Variants in KCNG2 observed in about 807,000 individuals in gnomAD.
KCNG2 encodes voltage-gated potassium channel regulatory subunit KCNG2.
In KCNG2, 7 loss-of-function variants were observed where a neutral mutation model predicts 12.3. The ratio of observed to expected loss-of-function variants is 0.57; its 90% confidence interval spans 0.32 to 1.07. The LOEUF is 1.07. Ranked by LOEUF, KCNG2 falls within the 50% of genes least tolerant of loss-of-function variation. The pLI is 0.04. For missense variants in KCNG2, 703 were observed against 726.0 expected (o/e 0.97, Z 0.36); for synonymous variants, 414 against 351.4 (o/e 1.18, Z -1.99).
intron 1 of KCNG2, among the ~76,000 whole-genome samples, chr18:79,823,008 C>A (rs1236266902): frequency 6.6e-6 from 1 of 152,172 alleles, no homozygotes; most frequent in Non-Finnish European, 1.5e-5. Flanking sequence ...CCCTTCCCAC[C>A]TCCCTCCATG....
At chr18:79,894,142 G>C (rs955628899) in intron 3 of KCNG2, among the ~76,000 whole-genome samples, 1 of 151,550 alleles carries the variant, frequency 6.6e-6, no homozygotes, top group Non-Finnish European at 1.5e-5. Context: ...CTTTTGATTG[G>C]GTTGTTCACA....
At chr18:79,848,309 C>T (rs1374629259) in intron 1 of KCNG2, among the ~76,000 whole-genome samples, 1 of 152,218 alleles carries the variant, frequency 6.6e-6, no homozygotes, top group Non-Finnish European at 1.5e-5. Flanking sequence ...GCCTAAAACA[C>T]CAGAAATGTA....
intron 1 of KCNG2, among the ~76,000 whole-genome samples, chr18:79,854,288 T>TGCCGTGTCCTGCCTGGGC (rs1978929749): frequency 1.3e-5 from 2 of 152,196 alleles, no homozygotes; most frequent in South Asian, 4.1e-4. Flanking sequence ...TGTGCCTGGG[T>TGCCGTGTCCTGCCTGGGC]GCCGTGTCCT....
intron 3 of KCNG2, among the ~76,000 whole-genome samples, chr18:79,883,059 C>G (rs1044174529): frequency 2.6e-5 from 4 of 152,264 alleles, no homozygotes; most frequent in African/African-American, 9.6e-5. Context: ...CGACACGGAC[C>G]GCGACGGCCG....
At position 79,897,853 on chromosome 18, in the gene KCNG2, G is replaced by A. The variant is rs181858558; in HGVS notation, c.625-1187G>A. Among the ~76,000 whole-genome samples the A allele has an allele frequency of 2.5e-3, 374 of 152,052 alleles. 2 individuals carry two copies. Among genetic ancestry groups the A allele is most frequent in the Admixed American group, 3.5e-3 (53 of 15,286 alleles). On this transcript the variant is annotated intron_variant, in intron 3 of 3. Transcript: ENST00000316249. ...TGCCACCGTCACCCTGGGATGACAG[G>A]GCTTGGGGAGCAACCTCTTCTCTGT...
chr18:79,877,324 G>C (rs1222512331), intron 3 of KCNG2, among the ~76,000 whole-genome samples: 7 of 151,898 alleles, frequency 4.6e-5, no homozygotes, highest in Non-Finnish European at 1.0e-4. Context: ...TCCCTCCAGC[G>C]GCTGGCTCCC....
Position 79,834,844 on chromosome 18 carries a change from C to T in KCNG2, c.-114-21535C>T, listed in dbSNP as rs574478642. 6.6e-4 allele frequency among the ~76,000 whole-genome samples: 101 copies of T among 152,332 alleles called. 1 individual carries two copies. The highest frequency in any genetic ancestry group is 2.2e-3 in the African/African-American group (92 of 41,576). On this transcript the variant is annotated intron_variant, in intron 1 of 3. Transcript: ENST00000316249. ...GGAGCTGGTTCCTGATGGCTGAGTG[C>T]ACCTTCAGTGGAGAAGGCACATCAC...
chr18:79,869,215 C>T (rs1450760699), intron 3 of KCNG2, among the ~76,000 whole-genome samples: 1 of 152,182 alleles, frequency 6.6e-6, no homozygotes, highest in African/African-American at 2.4e-5. Context: ...GTGCCCGCCC[C>T]GCGCTGAGTC....
intron 1 of KCNG2, among the ~76,000 whole-genome samples, chr18:79,814,233 G>A (rs576180536): frequency 1.3e-5 from 2 of 152,294 alleles, no homozygotes; most frequent in South Asian, 4.1e-4. Context: ...GTATGACCCA[G>A]CAATTGTGAT....
rs1980466961 is a variant in KCNG2 at position 79,884,956 on chromosome 18, T to A, written c.625-14084T>A. On this transcript the variant is annotated intron_variant, in intron 3 of 3. Transcript: ENST00000316249. The surrounding 1 kb of genome is among the most constrained non-coding windows in gnomAD (Gnocchi z 5.5). The stretch of plus-strand genomic sequence containing the variant: ...CAGGGCTGGGAAGCCCACACTGATC[T>A]CTGAGTGTGCGGTCCACTTTCCCTC... 6.6e-6 allele frequency among the ~76,000 whole-genome samples: 1 copy of A among 152,146 alleles called. No individual in the cohort carries two copies. Among genetic ancestry groups the A allele is most frequent in the South Asian group, 2.1e-4 (1 of 4,824 alleles).
chr18:79,879,347 C>T (rs1046315878), intron 3 of KCNG2, among the ~76,000 whole-genome samples: 4 of 152,242 alleles, frequency 2.6e-5, no homozygotes, highest in East Asian at 3.9e-4. Context: ...GCCCCCGTCT[C>T]GAGGAAGTGA....
chr18:79,859,317 T>G (rs1979131511), intron 2 of KCNG2, among the ~76,000 whole-genome samples: 1 of 152,202 alleles, frequency 6.6e-6, no homozygotes, highest in South Asian at 2.1e-4. Context: ...TAATTCATTT[T>G]AAAAAGAAGC....
rs953215656 is a variant in KCNG2, at chr18:79,829,306, GTGTC to G, written c.-114-27069_-114-27066del. Reference sequence around the variant, plus strand: ...TGTGTGTCTGCATGTATCTGTGTGTGTGTCTGTGTGTACATGTGTCTGTGTGTGT... The same window carrying G: ...TGTGTGTCTGCATGTATCTGTGTGTGTGTGTGTACATGTGTCTGTGTGTGT... On this transcript the variant is annotated intron_variant, in intron 1 of 3. Transcript: ENST00000316249. 8.4e-4 allele frequency among the ~76,000 whole-genome samples: 127 copies of G among 151,734 alleles called. 2 individuals carry two copies. Among genetic ancestry groups the G allele is most frequent in the African/African-American group, 2.9e-3 (118 of 41,346 alleles).
intron 1 of KCNG2, chr18:79,816,461 C>G (rs751546957): frequency 2.0e-5 from 3 of 152,200 alleles, no homozygotes; most frequent in African/African-American, 7.2e-5. Flanking sequence ...CAGCCCTGCA[C>G]GGGCGCTCTT....
chr18:79,819,823 C>T (rs553487551), intron 1 of KCNG2, among the ~76,000 whole-genome samples: 23 of 152,366 alleles, frequency 1.5e-4, no homozygotes, highest in African/African-American at 5.1e-4. Flanking sequence ...TTGCCCTCAA[C>T]AGGAAATCTG....
At chr18:79,881,183 A>G (rs1350602625) in intron 3 of KCNG2, among the ~76,000 whole-genome samples, 1 of 152,224 alleles carries the variant, frequency 6.6e-6, no homozygotes, top group East Asian at 1.9e-4. Flanking sequence ...ACGCTGTCCA[A>G]TTGGAAAGCA....
At chr18:79,869,483 C>T (rs747712857) in intron 3 of KCNG2, among the ~76,000 whole-genome samples, 2 of 152,114 alleles carry the variant, frequency 1.3e-5, no homozygotes, top group African/African-American at 4.8e-5. Flanking sequence ...ACAGGGGACG[C>T]ACTGGCCCAC....
intron 2 of KCNG2, among the ~76,000 whole-genome samples, chr18:79,857,249 T>C (rs935870655): frequency 6.7e-6 from 1 of 149,438 alleles, no homozygotes. Flanking sequence ...CCTGACCACG[T>C]CCCCCCTCTT....
chr18:79,851,849 T>C (rs1480710206), intron 1 of KCNG2, among the ~76,000 whole-genome samples: 1 of 152,222 alleles, frequency 6.6e-6, no homozygotes, highest in Non-Finnish European at 1.5e-5. Context: ...TGAGTGTGTG[T>C]GCACGTGTGC....
Sources: allele counts gnomAD v4.1 joint callset (sites outside exome capture counted in the v4.1 genomes callset), GRCh38; gene constraint gnomAD v4.1.1; non-coding constraint Gnocchi (gnomAD v3.1); transcripts MANE v1.5; gene names NCBI Gene and HGNC (gene_info 2026-07-23, HGNC 2026-07-21).